The following LIPM variants were observed in gnomAD, a reference collection of about 807,000 sequenced individuals.
LIPM encodes lipase family member M, also known as lipase member M.
A neutral mutation model predicts 42.4 loss-of-function variants in LIPM; 42 were observed. That is an observed-to-expected ratio of 0.99 (90% CI 0.77 to 1.28). LIPM has a LOEUF of 1.28. LIPM is among the 50% of genes most tolerant of loss of function. The pLI is 0.00. For missense variants in LIPM, 524 were observed against 520.1 expected (o/e 1.01, Z -0.07); for synonymous variants, 177 against 173.3 (o/e 1.02, Z -0.17).
chr10:88,817,346 G>C (rs1205441667), intron 7 of LIPM, among the ~76,000 whole-genome samples: 1 of 152,188 alleles, frequency 6.6e-6, no homozygotes, highest in East Asian at 1.9e-4. Flanking sequence ...GTGTCTATGT[G>C]GTGTGTGTGA....
intron 2 of LIPM, among the ~76,000 whole-genome samples, chr10:88,811,240 G>A (rs1253488761): frequency 2.0e-5 from 3 of 152,154 alleles, no homozygotes; most frequent in East Asian, 1.9e-4. Context: ...GCACAGTACC[G>A]CATTTAACCC....
At chr10:88,819,263 AG>A (rs1843757026) in intron 8 of LIPM, among the ~76,000 whole-genome samples, 1 of 152,212 alleles carries the variant, frequency 6.6e-6, no homozygotes, top group Non-Finnish European at 1.5e-5. Flanking sequence ...AATAGGCACC[AG>A]AAAATGGGAG....
chr10:88,811,113 G>T (rs1165604735), intron 2 of LIPM, among the ~76,000 whole-genome samples: 1 of 116,688 alleles, frequency 8.6e-6, no homozygotes, highest in Non-Finnish European at 1.8e-5. Flanking sequence ...GATGAGTTTG[G>T]TGTAGAAGGC....
chr10:88,809,892 A>G (rs962095788), intron 2 of LIPM, among the ~76,000 whole-genome samples: 1 of 152,056 alleles, frequency 6.6e-6, no homozygotes, highest in African/African-American at 2.4e-5. Context: ...GTTTCATCAG[A>G]TGTCTATGCA....
At chr10:88,809,411 T>A (rs1843627421) in intron 2 of LIPM, among the ~76,000 whole-genome samples, 1 of 152,208 alleles carries the variant, frequency 6.6e-6, no homozygotes, top group Non-Finnish European at 1.5e-5. Context: ...TTCTTTTTAA[T>A]ACTCTAGCAG....
At chr10:88,820,126 C>A in intron 8 of LIPM, 106 bp from the exon 9 acceptor site, 4 of 900,224 alleles carry the variant, frequency 4.4e-6, no homozygotes, top group Non-Finnish European at 6.6e-6. Context: ...ACCCATGTAC[C>A]CTTCACCACA....
Position 88,813,087 on chromosome 10 carries a change from C to G in LIPM, c.266-10C>G. 6.4e-7 allele frequency: 1 copy of G among 1,566,840 alleles called. No homozygotes were observed. The highest frequency in any genetic ancestry group is 8.7e-7 in the Non-Finnish European group (1 of 1,154,900). ...ACATTTCATACAGTTGAAATTTTCT[C>G]TTTTTGCAGGTTCCAGGCCTGTGGT... On this transcript the variant is annotated splice_polypyrimidine_tract_variant and intron_variant, in intron 2 of 8. Coordinates refer to ENST00000404743, the MANE Select transcript of LIPM (RefSeq NM_001128215.1).
intron 1 of LIPM, among the ~76,000 whole-genome samples, chr10:88,807,763 C>T (rs543279029): frequency 2.5e-4 from 38 of 152,122 alleles, no homozygotes; most frequent in Non-Finnish European, 5.3e-4. Flanking sequence ...AATGCATGGC[C>T]CAGGAATGCT....
chr10:88,814,344 T>C (rs192958482), intron 3 of LIPM, among the ~76,000 whole-genome samples, 186 bp from the exon 4 acceptor site: 9 of 152,304 alleles, frequency 5.9e-5, no homozygotes, highest in Middle Eastern at 6.8e-3. Flanking sequence ...GCTGACAGCC[T>C]GTGACTCCAG....
At chr10:88,811,008 T>C (rs1056734513) in intron 2 of LIPM, among the ~76,000 whole-genome samples, 1 of 152,220 alleles carries the variant, frequency 6.6e-6, no homozygotes, top group Non-Finnish European at 1.5e-5. Context: ...TCCTTCCTCC[T>C]GGCCCTTCAC....
chr10:88,811,671 G>A (rs1307567843), intron 2 of LIPM, among the ~76,000 whole-genome samples: 2 of 152,022 alleles, frequency 1.3e-5, no homozygotes. Flanking sequence ...TAGTACAAGG[G>A]ACTTCCATAT....
chr10:88,812,497 G>A (rs1047908507), intron 2 of LIPM, among the ~76,000 whole-genome samples: 1 of 152,072 alleles, frequency 6.6e-6, no homozygotes, highest in African/African-American at 2.4e-5. Flanking sequence ...TTGGCATTCT[G>A]TAAATAAGAG....
chr10:88,814,920 C>T (rs1029685250), intron 4 of LIPM, among the ~76,000 whole-genome samples, 168 bp from the exon 5 acceptor site: 6 of 152,180 alleles, frequency 3.9e-5, no homozygotes, highest in African/African-American at 1.4e-4. Context: ...TGAGCACCTA[C>T]TACTTGAAAG....
chr10:88,814,528 A>G lies in LIPM; in HGVS notation c.465-2A>G, dbSNP rs1295172961. The G allele has an allele frequency of 2.6e-6, 4 of 1,539,438 alleles. No homozygotes were observed. Among genetic ancestry groups the G allele is most frequent in the Non-Finnish European group, 3.5e-6 (4 of 1,136,010 alleles). The stretch of plus-strand genomic sequence containing the variant: ...ATATAACTTTGTCTTTTCCCCTTGT[A>G]GTTATGATGAGATGGCTAGGTTTGA... On this transcript the variant is annotated splice_acceptor_variant, in intron 3 of 8. Transcript: ENST00000404743. LOFTEE classifies it high-confidence loss of function.
chr10:88,815,874 G>A (rs905868071), intron 6 of LIPM, among the ~76,000 whole-genome samples: 1 of 152,286 alleles, frequency 6.6e-6, no homozygotes, highest in South Asian at 2.1e-4. Context: ...TTCTTTGATG[G>A]AACATCAGGG....
At chr10:88,806,123 G>T in intron 1 of LIPM, 1 of 400,134 alleles carries the variant, frequency 2.5e-6, no homozygotes, top group Non-Finnish European at 5.0e-6. Flanking sequence ...CACTTCCAGT[G>T]GATGGGACCA....
At chr10:88,805,670 G>T (rs561076769) in intron 1 of LIPM, among the ~76,000 whole-genome samples, 2 of 152,244 alleles carry the variant, frequency 1.3e-5, no homozygotes, top group East Asian at 3.9e-4. Context: ...TGTATATCAT[G>T]AAGAATTTCC....
Position 88,814,533 on chromosome 10 carries a change from T to A in LIPM, c.468T>A (p.Tyr156Ter), listed in dbSNP as rs765368181. 6.5e-7 allele frequency: 1 copy of A among 1,547,684 alleles called. No homozygotes were observed. The highest frequency in any genetic ancestry group is 1.4e-5 in the African/African-American group (1 of 72,932). The change falls in exon 4 of 9, where the codon TAT becomes TAA. Residue 156 changes from tyrosine to a stop codon, truncating the protein, a stop_gained. Coordinates refer to ENST00000404743, the MANE Select transcript of LIPM (RefSeq NM_001128215.1). LOFTEE classifies it high-confidence loss of function. Reference sequence around the variant, plus strand: ...ACTTTGTCTTTTCCCCTTGTAGTTATGATGAGATGGCTAGGTTTGACCTTC... The same window carrying A: ...ACTTTGTCTTTTCCCCTTGTAGTTAAGATGAGATGGCTAGGTTTGACCTTC... ...IDQDEFWAFS[Y>*]DEMARFDLPA... is the part of the protein sequence containing the mutation.
intron 2 of LIPM, 116 bp downstream of exon 2, chr10:88,808,531 C>A: frequency 3.2e-6 from 2 of 626,786 alleles, no homozygotes; most frequent in South Asian, 2.0e-5. Flanking sequence ...GTCCATTGTT[C>A]AGGTCAAAGG....
Sources: allele counts gnomAD v4.1 joint callset (sites outside exome capture counted in the v4.1 genomes callset), GRCh38; gene constraint gnomAD v4.1.1; transcripts MANE v1.5; gene names NCBI Gene and HGNC (gene_info 2026-07-23, HGNC 2026-07-21).